Variants in OTOG observed in about 807,000 individuals in gnomAD.
The protein encoded by OTOG is otogelin.
A neutral mutation model predicts 313.8 loss-of-function variants in OTOG; 296 were observed. The ratio of observed to expected loss-of-function variants is 0.94; its 90% CI spans 0.86 to 1.04. The LOEUF (loss-of-function observed/expected upper bound fraction) is 1.04, where lower values mean the gene tolerates loss of function less well. OTOG is among the 50% of genes least tolerant of loss of function. The pLI, the probability that OTOG is intolerant of heterozygous loss-of-function variation, is 0.00. For missense variants in OTOG, 3,948 were observed against 3,840.1 expected, an observed-to-expected ratio of 1.03 and a Z score of -0.74; for synonymous variants, 1,533 against 1,554.9, an observed-to-expected ratio of 0.99 and a Z score of 0.33.
chr11:17,612,339 T>G lies in OTOG; in HGVS notation c.6292+9T>G, dbSNP rs1284174612. The G allele has an allele frequency of 1.3e-6, 2 of 1,523,388 alleles. No individual in the cohort carries two copies. Among genetic ancestry groups the G allele is most frequent in the African/African-American group, 2.7e-5 (2 of 72,828 alleles). 94.4% of individuals were successfully genotyped at this position (1,523,388 alleles called of 1,614,324 possible). ...ACTCTGGGAGTGTGCCTGTGAGTCA[T>G]GGGATCAGCGGAGCCTCCTGCATCC... On this transcript the variant is annotated intron_variant, in intron 37 of 55. Transcript: ENST00000399397.
chr11:17,553,104 G>C lies in OTOG; in HGVS notation c.293-15G>C, dbSNP rs1229215847. 1.9e-6 allele frequency: 3 copies of C among 1,550,076 alleles called. No individual in the cohort carries two copies. The African/African-American group carries it at 4.1e-5, about 21-fold the overall frequency. ...CTCAGCTTGATGGGGCAATGACTCT[G>C]TGTCTCCCATGCAGACTTGTTCTCC... On this transcript the variant is annotated splice_polypyrimidine_tract_variant and intron_variant, in intron 4 of 55. Coordinates refer to ENST00000399397, the MANE Select transcript of OTOG (RefSeq NM_001292063.2).
intron 15 of OTOG, among the ~76,000 whole-genome samples, chr11:17,562,253 A>AG (rs1301032280): frequency 1.1e-4 from 16 of 149,486 alleles, no homozygotes; most frequent in Non-Finnish European, 2.2e-4. Flanking sequence ...AAAAAAAAAA[A>AG]AAAAAGAAAT....
At chr11:17,619,212 A>T (rs1590047433) in intron 39 of OTOG, among the ~76,000 whole-genome samples, 1 of 152,208 alleles carries the variant, frequency 6.6e-6, no homozygotes, top group African/African-American at 2.4e-5. Context: ...TTGAGGCTGC[A>T]GTGAGCCGTG....
intron 33 of OTOG, among the ~76,000 whole-genome samples, chr11:17,606,868 C>T (rs187437821): frequency 9.8e-5 from 15 of 152,330 alleles, no homozygotes; most frequent in Admixed American, 5.2e-4. Flanking sequence ...TTCCCTTCAG[C>T]GGTCAGTTAT....
chr11:17,554,341 A>G (rs1386971082), intron 6 of OTOG, among the ~76,000 whole-genome samples: 1 of 152,170 alleles, frequency 6.6e-6, no homozygotes, highest in East Asian at 1.9e-4. Flanking sequence ...GCCAGGGGTC[A>G]TGTCTCTCTC....
At chr11:17,586,202 C>T (rs1397135330) in intron 23 of OTOG, among the ~76,000 whole-genome samples, 2 of 152,196 alleles carry the variant, frequency 1.3e-5, no homozygotes, top group Non-Finnish European at 2.9e-5. Flanking sequence ...TCCACCTGGT[C>T]AGTAGGGCTG....
At chr11:17,597,409 G>A (rs1853139232) in intron 30 of OTOG, among the ~76,000 whole-genome samples, 1 of 152,186 alleles carries the variant, frequency 6.6e-6, no homozygotes, top group Non-Finnish European at 1.5e-5. Context: ...TTTCTTGTGT[G>A]AGAAGCAGGA....
At chr11:17,628,860 G>T (rs867322036) in intron 39 of OTOG, among the ~76,000 whole-genome samples, 3 of 152,202 alleles carry the variant, frequency 2.0e-5, no homozygotes, top group African/African-American at 7.2e-5. Context: ...GTTTATTTGG[G>T]CATTAAGATG....
intron 13 of OTOG, 131 bp from the exon 14 acceptor site, chr11:17,560,960 A>G (rs2134010099): frequency 8.1e-7 from 1 of 1,239,592 alleles, no homozygotes; most frequent in South Asian, 1.4e-5. Flanking sequence ...CATTAGATCC[A>G]ATCCATGGGG....
intron 54 of OTOG, among the ~76,000 whole-genome samples, chr11:17,643,988 G>A (rs1408458874): frequency 2.0e-5 from 3 of 152,198 alleles, no homozygotes; most frequent in African/African-American, 7.2e-5. Context: ...ACTCCTCTCG[G>A]AAGCCCACTG....
intron 40 of OTOG, among the ~76,000 whole-genome samples, chr11:17,631,368 C>G (rs557550915): frequency 7.2e-6 from 1 of 138,826 alleles, no homozygotes; most frequent in Admixed American, 6.9e-5. Context: ...CTCTCTCTCT[C>G]TCTCTCTCTC....
At chr11:17,609,003 C>T (rs545384444) in intron 34 of OTOG, 127 bp from the exon 35 acceptor site, 273 of 719,172 alleles carry the variant, frequency 3.8e-4, no homozygotes, top group Middle Eastern at 5.3e-4. Flanking sequence ...TGTGTGTACA[C>T]GTAATAAGCA....
intron 39 of OTOG, among the ~76,000 whole-genome samples, chr11:17,619,702 T>C (rs1853816088): frequency 6.6e-6 from 1 of 152,212 alleles, no homozygotes. Context: ...GCCTTTGTGT[T>C]ATTGTCATAA....
chr11:17,575,007 T>C (rs1475301417), intron 20 of OTOG, 95 bp downstream of exon 20: 5 of 1,239,412 alleles, frequency 4.0e-6, no homozygotes, highest in Non-Finnish European at 5.4e-6. Context: ...GGGCCTCTTG[T>C]GTCCCTCCTT....
Position 17,561,152 on chromosome 11 carries a change from C to A in OTOG, c.1498+15C>A, listed in dbSNP as rs1004924099. ...TGTCTGCCCAGGTATGTCTGCCCCCCACCTTGCACTAGGATCCCTTCTACC... is the reference window on the plus strand; with the variant it reads ...TGTCTGCCCAGGTATGTCTGCCCCCAACCTTGCACTAGGATCCCTTCTACC... On this transcript the variant is annotated intron_variant, in intron 14 of 55. Coordinates refer to ENST00000399397, the MANE Select transcript of OTOG (RefSeq NM_001292063.2). 6 of 1,550,496 alleles carry A rather than the reference C, an allele frequency of 3.9e-6. No homozygotes were observed. Among genetic ancestry groups the A allele is most frequent in the East Asian group, 2.4e-5 (1 of 40,918 alleles).
chr11:17,617,314 G>A (rs569257441), intron 39 of OTOG, among the ~76,000 whole-genome samples: 1 of 151,986 alleles, frequency 6.6e-6, no homozygotes, highest in Non-Finnish European at 1.5e-5. Context: ...AGTAATGCTG[G>A]CCTCACATAA....
intron 33 of OTOG, 43 bp downstream of exon 33, chr11:17,606,178 C>T (rs1211032688): frequency 1.3e-6 from 2 of 1,488,758 alleles, no homozygotes; most frequent in East Asian, 2.5e-5. Flanking sequence ...TTGGCCCTCT[C>T]AGTCCACTGC....
At chr11:17,549,802 C>T (rs1452415960) in intron 3 of OTOG, among the ~76,000 whole-genome samples, 1 of 152,034 alleles carries the variant, frequency 6.6e-6, no homozygotes, top group Non-Finnish European at 1.5e-5. Context: ...CACGCTGCTC[C>T]TCAGAGCAAC....
intron 39 of OTOG, among the ~76,000 whole-genome samples, chr11:17,614,637 CT>C (rs1853680052): frequency 6.6e-6 from 1 of 152,128 alleles, no homozygotes; most frequent in East Asian, 1.9e-4. Context: ...CCCGCTGCCC[CT>C]ATAGTTATGC....
Sources: gnomAD v4.1 joint callset for allele counts (sites outside exome capture counted in the v4.1 genomes callset) on GRCh38, gnomAD v4.1.1 for gene constraint, MANE v1.5 for transcripts, NCBI Gene and HGNC (gene_info 2026-07-23, HGNC 2026-07-21) for gene names.